SSU72: variants seen among roughly 807,000 people sequenced by gnomAD.
SSU72 encodes SSU72 homolog, RNA polymerase II CTD phosphatase, also known as RNA polymerase II subunit A C-terminal domain phosphatase SSU72.
SSU72 carries 12 observed loss-of-function variants against 22.7 expected under a neutral mutation model. The observed-to-expected ratio is 0.53, with a 90% CI of 0.34 to 0.86. The LOEUF (loss-of-function observed/expected upper bound fraction) is 0.86, where lower values mean the gene tolerates loss of function less well. Among genes scored for constraint, SSU72 ranks in the 40% least tolerant of loss-of-function variants. The pLI is 0.02. For synonymous variants in SSU72, 116 were observed against 98.3 expected (o/e 1.18, Z -1.06); for missense variants, 151 against 249.8 (o/e 0.60, Z 2.67).
intron 1 of SSU72, among the ~76,000 whole-genome samples, chr1:1,571,760 C>T (rs896601391): frequency 6.6e-6 from 1 of 151,160 alleles, no homozygotes; most frequent in African/African-American, 2.4e-5. Flanking sequence ...AAAGTAGCCG[C>T]TAAACCTGAT....
chr1:1,570,605 C>T (rs756900191), intron 1 of SSU72, among the ~76,000 whole-genome samples: 12 of 152,086 alleles, frequency 7.9e-5, no homozygotes, highest in Non-Finnish European at 2.9e-5. Flanking sequence ...CAAATTCTCC[C>T]GTTTGACTGG....
At chr1:1,555,560 C>T (rs1331022354) in intron 2 of SSU72, among the ~76,000 whole-genome samples, 1 of 152,208 alleles carries the variant, frequency 6.6e-6, no homozygotes, top group Non-Finnish European at 1.5e-5. Flanking sequence ...CAGCTCCGTA[C>T]TCAGAAGGGC....
chr1:1,574,506 G>A lies in SSU72; in HGVS notation c.52C>T (p.Arg18Trp), dbSNP rs1408762760. Residue 18 changes from arginine (R) to tryptophan (W), a missense_variant, in exon 1 of 5, where the codon CGG (arginine) becomes TGG (tryptophan). Coordinates refer to ENST00000291386, the MANE Select transcript of SSU72 (RefSeq NM_014188.3). ...VAVVCSSNQNRSMEAHNILSK... is the reference protein window; with the variant it reads ...VAVVCSSNQNWSMEAHNILSK... ...AGGATGTTGTGCGCCTCCATGCTCC[G>A]GTTCTGGTTGCTCGAGCACACCACC... 1 of 1,595,214 alleles carries A rather than the reference G, an allele frequency of 6.3e-7. No homozygotes were observed. Among genetic ancestry groups the A allele is most frequent in the African/African-American group, 1.4e-5 (1 of 72,166 alleles).
intron 2 of SSU72, among the ~76,000 whole-genome samples, chr1:1,551,192 A>G (rs925573266): frequency 2.6e-5 from 4 of 152,238 alleles, no homozygotes; most frequent in Non-Finnish European, 5.9e-5. Flanking sequence ...AGTCCCAGCC[A>G]TGGAGAAGCC....
At chr1:1,568,552 C>T (rs1372974176) in intron 1 of SSU72, among the ~76,000 whole-genome samples, 1 of 150,710 alleles carries the variant, frequency 6.6e-6, no homozygotes, top group Non-Finnish European at 1.5e-5. Context: ...CGCAGTGGGC[C>T]CCGTGATGGT....
intron 2 of SSU72, chr1:1,562,027 G>C (rs1642600356): frequency 6.6e-6 from 1 of 152,272 alleles, no homozygotes; most frequent in Non-Finnish European, 1.5e-5. Context: ...TAAAGGAGGA[G>C]CTTCCGAATT....
At chr1:1,564,432 G>A (rs139745098) in intron 2 of SSU72, 157 of 1,444,676 alleles carry the variant, frequency 1.1e-4, no homozygotes, top group South Asian at 1.1e-3. Context: ...AGGAAATAAC[G>A]GGGCAGCCCT....
intron 2 of SSU72, chr1:1,562,209 G>C (rs1338133279): frequency 6.6e-6 from 1 of 152,226 alleles, no homozygotes; most frequent in Non-Finnish European, 1.5e-5. Flanking sequence ...TGACATGAAG[G>C]GGCTGAGCTT....
chr1:1,543,460 A>T (rs1642349944), intron 4 of SSU72, among the ~76,000 whole-genome samples: 1 of 152,178 alleles, frequency 6.6e-6, no homozygotes. Flanking sequence ...CTCTCAGCTG[A>T]GCAAAGGGCA....
In SSU72 at chr1:1,548,850, C is replaced by T. The variant is rs1028215006; in HGVS notation, c.225-3848G>A. ...CGTGTGGCCAATCCCGAGAGGCCAC[C>T]GGCCAGCATGAGCCAATGTCCTGGC... is the stretch of plus-strand genomic sequence containing the variant. On this transcript the variant is annotated intron_variant, in intron 2 of 4. Transcript: ENST00000291386. Among the ~76,000 whole-genome samples, 7 of 152,310 alleles carry T rather than the reference C, an allele frequency of 4.6e-5. 1 individual carries two copies. The highest frequency in any genetic ancestry group is 1.9e-4 in the East Asian group (1 of 5,178).
intron 2 of SSU72, 179 bp downstream of exon 2, chr1:1,564,594 C>T: frequency 6.2e-7 from 1 of 1,608,950 alleles, no homozygotes; most frequent in Admixed American, 1.7e-5. Flanking sequence ...ATGGGTGGCA[C>T]TGGAACTAAC....
rs1017761894 is a variant in SSU72, at chr1:1,564,839, T to C, written c.158A>G (p.Asn53Ser). 9 of 1,614,054 alleles carry C rather than the reference T, an allele frequency of 5.6e-6. No homozygotes were observed. Among genetic ancestry groups the C allele is most frequent in the Non-Finnish European group, 6.8e-6 (8 of 1,180,038 alleles). The change falls in exon 2 of 5, where the codon AAT becomes AGT. Residue 53 changes from asparagine (N) to serine (S), a missense_variant. Asn to Ser is a conservative substitution (Grantham distance 46). Transcript: ENST00000291386. ...KLPGPAPDKP[N>S]VYDFKTTYDQ... Reference sequence around the variant, plus strand: ...ATATGTGGTTTTGAAATCATAAACATTGGGCTTGTCGGGAGCTGGTCCTGG... The same window carrying C: ...ATATGTGGTTTTGAAATCATAAACACTGGGCTTGTCGGGAGCTGGTCCTGG...
intron 1 of SSU72, among the ~76,000 whole-genome samples, chr1:1,569,787 G>A (rs1378993136): frequency 1.3e-5 from 2 of 152,178 alleles, no homozygotes; most frequent in African/African-American, 4.8e-5. Flanking sequence ...AGGCCGAAGA[G>A]CCACCTTGCC....
chr1:1,541,721 C>T lies in SSU72; in HGVS notation c.*345G>A, dbSNP rs914916417. On this transcript the variant is annotated 3_prime_UTR_variant, in exon 5 of 5. Coordinates refer to ENST00000291386, the MANE Select transcript of SSU72 (RefSeq NM_014188.3). ...CAATTCCAGGTCATTCCTAACACGC[C>T]GCAGCAGGGCTCTGTACAGTCCGGC... The T allele has an allele frequency of 3.1e-5, 8 of 261,236 alleles. No homozygotes were observed. Among genetic ancestry groups the T allele is most frequent in the Admixed American group, 2.0e-4 (4 of 19,912 alleles). 16.2% of individuals were successfully genotyped at this position (261,236 alleles called of 1,614,324 possible).
At chr1:1,547,355 T>C (rs1642402459) in intron 2 of SSU72, among the ~76,000 whole-genome samples, 1 of 152,262 alleles carries the variant, frequency 6.6e-6, no homozygotes, top group South Asian at 2.1e-4. Context: ...CAACTATTTA[T>C]GTAGATGAGG....
intron 1 of SSU72, among the ~76,000 whole-genome samples, chr1:1,569,516 A>G (rs1642703429): frequency 6.6e-6 from 1 of 152,180 alleles, no homozygotes; most frequent in Non-Finnish European, 1.5e-5. Context: ...TTAGAGACAG[A>G]GACTTGGTTT....
intron 2 of SSU72, among the ~76,000 whole-genome samples, chr1:1,555,610 A>G (rs940353759): frequency 2.6e-5 from 4 of 152,264 alleles, no homozygotes; most frequent in Non-Finnish European, 5.9e-5. Flanking sequence ...GGCTGTGCAC[A>G]GCACGATGCT....
chr1:1,550,064 GC>G (rs35008066), intron 2 of SSU72, among the ~76,000 whole-genome samples: 73,245 of 149,434 alleles, frequency 0.49, 22,507 homozygotes, highest in East Asian at 0.86. Context: ...TGTGATTCCA[GC>G]CTCCTCCGGA....
chr1:1,557,908 A>G (rs762274142), intron 2 of SSU72, among the ~76,000 whole-genome samples: 3 of 152,152 alleles, frequency 2.0e-5, no homozygotes, highest in Non-Finnish European at 4.4e-5. Context: ...GGACATGAAC[A>G]AATGTGCAAT....
Sources: allele counts gnomAD v4.1 joint callset (sites outside exome capture counted in the v4.1 genomes callset), GRCh38; gene constraint gnomAD v4.1.1; transcripts MANE v1.5; gene names NCBI Gene and HGNC (gene_info 2026-07-23, HGNC 2026-07-21).